The following CILP2 variants were observed in gnomAD, a reference collection of about 807,000 sequenced individuals.
The protein encoded by CILP2 is cartilage intermediate layer protein 2.
In CILP2, 38 loss-of-function variants were observed where a neutral mutation model predicts 45.6. The observed-to-expected ratio is 0.83, with a 90% CI of 0.64 to 1.09. CILP2 has a LOEUF of 1.09. Ranked by LOEUF, CILP2 falls within the 50% of genes least tolerant of loss-of-function variation. CILP2 has a pLI of 0.00. For synonymous variants in CILP2, 780 were observed against 723.5 expected, an observed-to-expected ratio of 1.08 and a Z score of -1.25; for missense variants, 1,735 against 1,662.2, an observed-to-expected ratio of 1.04 and a Z score of -0.76.
At position 19,545,506 on chromosome 19, in the gene CILP2, G is replaced by T. The variant is rs1247478025; in HGVS notation, c.2961G>T (p.Ser987=). The change falls in exon 8 of 8, where the codon TCG becomes TCT. Residue 987 remains serine (S), a synonymous_variant. Transcript: ENST00000291495. ...SVRDPERPGT[S]AACVEFKCSG... ...GAGACCCCGAGCGTCCGGGCACCTC[G>T]GCAGCCTGCGTGGAGTTCAAGTGCA... 3.7e-6 allele frequency: 6 copies of T among 1,612,362 alleles called. No homozygotes were observed. Among genetic ancestry groups the T allele is most frequent in the Non-Finnish European group, 5.1e-6 (6 of 1,179,782 alleles).
rs1280234502 is a variant in CILP2 at position 19,542,447 on chromosome 19, C to T, written c.665C>T (p.Pro222Leu). 1.2e-6 allele frequency: 2 copies of T among 1,612,432 alleles called. No individual in the cohort carries two copies. The highest frequency in any genetic ancestry group is 1.7e-6 in the Non-Finnish European group (2 of 1,180,000). Reference protein sequence around the residue: ...LGSVVTPSGQPLLGARVSLRD... With the variant: ...LGSVVTPSGQLLLGARVSLRD... ...TCGGTGGTCACCCCATCTGGGCAAC[C>T]ACTGCTAGGAGCCAGGGTCTCCCTG... Residue 222 changes from proline (P) to leucine (L), a missense_variant, in exon 5 of 8, where the codon CCA becomes CTA. Pro to Leu is a moderately conservative substitution (Grantham distance 98). Transcript: ENST00000291495.
At position 19,544,590 on chromosome 19, in the gene CILP2, GGT is replaced by G; in HGVS notation, c.2046_2047del (p.Trp682CysfsTer51). The G allele has an allele frequency of 6.3e-7, 1 of 1,577,676 alleles. No individual in the cohort carries two copies. The highest frequency in any genetic ancestry group is 8.6e-7 in the Non-Finnish European group (1 of 1,168,060). On this transcript the variant is annotated frameshift_variant, in exon 8 of 8. Coordinates refer to ENST00000291495, the MANE Select transcript of CILP2 (RefSeq NM_153221.2). LOFTEE classifies it low-confidence loss of function (END_TRUNC). ...GGCCACGTGGAGGCCCTCAAGCTGTGGTCGCTGAACCCCGAGACCGGCTTGTG... is the reference window on the plus strand; with the variant it reads ...GGCCACGTGGAGGCCCTCAAGCTGTGCGCTGAACCCCGAGACCGGCTTGTG...
At position 19,542,485 on chromosome 19, in the gene CILP2, G is replaced by A. The variant is rs1340727234; in HGVS notation, c.703G>A (p.Gly235Ser). The A allele has an allele frequency of 1.9e-6, 3 of 1,613,656 alleles. No individual in the cohort carries two copies. The highest frequency in any genetic ancestry group is 2.5e-6 in the Non-Finnish European group (3 of 1,180,048). ...GARVSLRDQP[G>S]TVATSDAHGT... ...CAGGGTCTCCCTGCGAGACCAGCCT[G>A]GCACTGTGGCCACCAGCGATGCTCA... The change falls in exon 5 of 8, where the codon GGC becomes AGC. Residue 235 changes from glycine (G) to serine (S), a missense_variant. By Grantham distance (56) the Gly-to-Ser change is moderately conservative (BLOSUM62 0). Coordinates refer to ENST00000291495, the MANE Select transcript of CILP2 (RefSeq NM_153221.2).
chr19:19,539,914 C>A, intron 2 of CILP2, 137 bp downstream of exon 2: 1 of 743,008 alleles, frequency 1.3e-6, no homozygotes, highest in Non-Finnish European at 2.1e-6. Context: ...GACATGACAG[C>A]CCCTGGAGGT....
intron 1 of CILP2, 71 bp downstream of exon 1, chr19:19,538,484 G>A: frequency 8.0e-7 from 1 of 1,251,442 alleles, no homozygotes; most frequent in Non-Finnish European, 1.1e-6. Context: ...CTTGGGTGAA[G>A]CCGCACTCGG....
chr19:19,543,605 GCAGA>G lies in CILP2; in HGVS notation c.1136-71_1136-68del, dbSNP rs1438035968. ...TGTCCCTTAGGTGGAGTCCTTGACT[GCAGA>G]CAGAGTCCCCAGCCTTGGCCTCCAT... On this transcript the variant is annotated intron_variant, in intron 7 of 7. Coordinates refer to ENST00000291495, the MANE Select transcript of CILP2 (RefSeq NM_153221.2). 3.8e-5 allele frequency: 56 copies of G among 1,454,786 alleles called. No homozygotes were observed. The Middle Eastern group carries it at 1.1e-3, about 28-fold the overall frequency. 90.1% of individuals were successfully genotyped at this position (1,454,786 alleles called of 1,614,324 possible).
In CILP2 at chr19:19,545,095, C is replaced by G; in HGVS notation, c.2550C>G (p.Asp850Glu). Residue 850 changes from aspartate (D) to glutamate (E), a missense_variant, in exon 8 of 8, where the codon GAC (aspartate) becomes GAG (glutamate). Coordinates refer to ENST00000291495, the MANE Select transcript of CILP2 (RefSeq NM_153221.2). The stretch of plus-strand genomic sequence containing the variant: ...TGGGGTACCGTCGGACGGACCACGA[C>G]GATCCCGCCTTCAAGCGTAACGGCT... ...DRLGYRRTDH[D>E]DPAFKRNGFR... 1.9e-6 allele frequency: 3 copies of G among 1,611,226 alleles called. No homozygotes were observed. The highest frequency in any genetic ancestry group is 1.1e-5 in the South Asian group (1 of 90,896).
At chr19:19,540,044 T>G in intron 2 of CILP2, 160 bp from the exon 3 acceptor site, 2 of 1,016,490 alleles carry the variant, frequency 2.0e-6, no homozygotes, top group Non-Finnish European at 2.7e-6. Flanking sequence ...GAACCCAGTC[T>G]GCCCTGCACC....
In CILP2 at chr19:19,540,170, G is replaced by A. The variant is rs555901219; in HGVS notation, c.164-34G>A. 8.5e-5 allele frequency: 129 copies of A among 1,522,580 alleles called. No individual in the cohort carries two copies. The East Asian group carries it at 2.1e-3, about 24-fold the overall frequency. The allele number at this position is 1,522,580 out of a possible 1,614,324, so 94.3% of individuals were successfully genotyped here. A position where few individuals can be genotyped will look rare whatever the true frequency, so the allele number is the denominator to read the frequency against. Reference sequence around the variant, plus strand: ...ACGCATGCATGGGGGCCTACAGGCCGCCGCCCTGGTCCCAGCGCGTGCGGT... The same window carrying A: ...ACGCATGCATGGGGGCCTACAGGCCACCGCCCTGGTCCCAGCGCGTGCGGT... On this transcript the variant is annotated intron_variant, in intron 2 of 7. Transcript: ENST00000291495.
At position 19,542,568 on chromosome 19, in the gene CILP2, G is replaced by C. The variant is rs1215093362; in HGVS notation, c.786G>C (p.Gln262His). ...ACAGCCGCGCCAACATCAGGGCCCAGATGGATGGCTTCTCTGCAGGGGAGG... is the reference window on the plus strand; with the variant it reads ...ACAGCCGCGCCAACATCAGGGCCCACATGGATGGCTTCTCTGCAGGGGAGG... The part of the protein sequence containing the change: ...CADSRANIRA[Q>H]MDGFSAGEAQ... Residue 262 changes from glutamine (Q) to histidine (H), a missense_variant, in exon 5 of 8, where the codon CAG becomes CAC. Coordinates refer to ENST00000291495, the MANE Select transcript of CILP2 (RefSeq NM_153221.2). The C allele has an allele frequency of 1.2e-6, 2 of 1,614,124 alleles. No individual in the cohort carries two copies. Among genetic ancestry groups the C allele is most frequent in the South Asian group, 2.2e-5 (2 of 91,074 alleles).
At chr19:19,542,178 T>C (rs1008520177) in intron 4 of CILP2, among the ~76,000 whole-genome samples, 197 bp from the exon 5 acceptor site, 4 of 152,162 alleles carry the variant, frequency 2.6e-5, no homozygotes, top group African/African-American at 9.7e-5. Context: ...TCCTATGCCC[T>C]GGCCCAGTCC....
In CILP2 at chr19:19,546,310, T is replaced by C. The variant is rs1474805130; in HGVS notation, c.*294T>C. On this transcript the variant is annotated 3_prime_UTR_variant, in exon 8 of 8. Transcript: ENST00000291495. ...ACCCGCTCCCAGCTCAGAAGCCGTC[T>C]CTGACTTCTCGTGCGTATTTTGACC... 6.8e-6 allele frequency: 2 copies of C among 293,960 alleles called. No individual in the cohort carries two copies. The highest frequency in any genetic ancestry group is 1.3e-5 in the Non-Finnish European group (2 of 158,950). 18.2% of individuals were successfully genotyped at this position (293,960 alleles called of 1,614,324 possible). A position where few individuals can be genotyped will look rare whatever the true frequency, so the allele number is the denominator to read the frequency against.
chr19:19,543,414 C>T lies in CILP2; in HGVS notation c.1135+9C>T, dbSNP rs781688994. On this transcript the variant is annotated intron_variant, in intron 7 of 7. Transcript: ENST00000291495. ...CCGGCTCACTGTACTTGGTGAGTGTCCTTGGCCACAGCCCCGAGCAAGCCT... is the reference window on the plus strand; with the variant it reads ...CCGGCTCACTGTACTTGGTGAGTGTTCTTGGCCACAGCCCCGAGCAAGCCT... 9 of 1,612,804 alleles carry T rather than the reference C, an allele frequency of 5.6e-6. No individual in the cohort carries two copies. Among genetic ancestry groups the T allele is most frequent in the African/African-American group, 5.3e-5 (4 of 75,036 alleles).
chr19:19,539,580 A>AAGGT (rs61235376), intron 1 of CILP2, 99 bp from the exon 2 acceptor site: 4 of 555,048 alleles, frequency 7.2e-6, no homozygotes, highest in African/African-American at 2.3e-5. Flanking sequence ...AAAAAAAAAA[A>AAGGT]GGGGGGGGAT....
rs2061261025 is a variant in CILP2, at chr19:19,545,366, C to T, written c.2821C>T (p.Leu941Phe). The stretch of plus-strand genomic sequence containing the variant: ...CCCGCAGGAGTTCCGGGCCTGCTTC[C>T]TCAAGGTGAAGATCCAGGGTCCCCA... The part of the protein sequence containing the change: ...PNPQEFRACF[L>F]KVKIQGPQEY... Residue 941 changes from leucine (L) to phenylalanine (F), a missense_variant, in exon 8 of 8, where the codon CTC becomes TTC. Transcript: ENST00000291495. 7 of 1,612,408 alleles carry T rather than the reference C, an allele frequency of 4.3e-6. No individual in the cohort carries two copies. The highest frequency in any genetic ancestry group is 5.9e-6 in the Non-Finnish European group (7 of 1,179,796).
chr19:19,540,496 A>G lies in CILP2; in HGVS notation c.436+20A>G, dbSNP rs2061239489. On this transcript the variant is annotated intron_variant, in intron 3 of 7. Transcript: ENST00000291495. ...CACTAGGTGAGGGCGGGGCTGGATG[A>G]CGGGGGCGGGGCTTTGAATGGGCGG... is the stretch of plus-strand genomic sequence containing the variant. 1.0e-6 allele frequency: 1 copy of G among 962,238 alleles called. No homozygotes were observed. The highest frequency in any genetic ancestry group is 1.3e-6 in the Non-Finnish European group (1 of 796,958). 59.6% of individuals were successfully genotyped at this position (962,238 alleles called of 1,614,324 possible).
intron 1 of CILP2, 52 bp from the exon 2 acceptor site, chr19:19,539,627 G>T (rs2061236249): frequency 1.5e-6 from 2 of 1,317,250 alleles, no homozygotes; most frequent in South Asian, 2.9e-5. Flanking sequence ...GAGGCTCCCA[G>T]CGGTCCCCAT....
chr19:19,542,260 G>A lies in CILP2; in HGVS notation c.593-115G>A, dbSNP rs551639467. On this transcript the variant is annotated intron_variant, in intron 4 of 7. Coordinates refer to ENST00000291495, the MANE Select transcript of CILP2 (RefSeq NM_153221.2). ...AGGGCCATGCTGAGGCCTCTGAGAG[G>A]CACCTTATGGGGGGGCCCCAGGCAT... 2.7e-5 allele frequency: 32 copies of A among 1,181,568 alleles called. 1 individual carries two copies. The Admixed American group carries it at 6.4e-4, about 24-fold the overall frequency. 73.2% of individuals were successfully genotyped at this position (1,181,568 alleles called of 1,614,324 possible). A position where few individuals can be genotyped will look rare whatever the true frequency, so the allele number is the denominator to read the frequency against.
At position 19,544,221 on chromosome 19, in the gene CILP2, C is replaced by T. The variant is rs2061254772; in HGVS notation, c.1676C>T (p.Pro559Leu). 4.3e-6 allele frequency: 7 copies of T among 1,613,932 alleles called. No homozygotes were observed. Among genetic ancestry groups the T allele is most frequent in the African/African-American group, 1.3e-5 (1 of 75,048 alleles). ...GTCAAGGCCATGCGGAAGAAAGCCCCGGTCATTTTACATACCAGCCAGAGC... is the reference window on the plus strand; with the variant it reads ...GTCAAGGCCATGCGGAAGAAAGCCCTGGTCATTTTACATACCAGCCAGAGC... ...HEVKAMRKKA[P>L]VILHTSQSNT... The change falls in exon 8 of 8, where the codon CCG becomes CTG. Residue 559 changes from proline to leucine, a missense_variant. Pro to Leu is a moderately conservative substitution (Grantham distance 98). Coordinates refer to ENST00000291495, the MANE Select transcript of CILP2 (RefSeq NM_153221.2).
Sources: allele counts gnomAD v4.1 joint callset (sites outside exome capture counted in the v4.1 genomes callset), GRCh38; gene constraint gnomAD v4.1.1; transcripts MANE v1.5; gene names NCBI Gene and HGNC (gene_info 2026-07-23, HGNC 2026-07-21).